CADM2: variants seen among roughly 807,000 people sequenced by gnomAD.
CADM2 encodes cell adhesion molecule 2, also known as immunoglobulin superfamily member 4D.
Under a neutral mutation model 49.8 loss-of-function variants are expected in CADM2, and 12 were observed. The ratio of observed to expected loss-of-function variants is 0.24; its 90% CI spans 0.15 to 0.39. The LOEUF (loss-of-function observed/expected upper bound fraction) is 0.39. Ranked by LOEUF, CADM2 falls within the 10% of genes least tolerant of loss-of-function variation. The pLI is 1.00. For missense variants in CADM2, 378 were observed against 492.3 expected, an observed-to-expected ratio of 0.77 and a Z score of 2.20; for synonymous variants, 214 against 175.4, an observed-to-expected ratio of 1.22 and a Z score of -1.74.
chr3:85,652,144 A>T (rs1388695047), intron 1 of CADM2, among the ~76,000 whole-genome samples: 1 of 151,938 alleles, frequency 6.6e-6, no homozygotes, highest in African/African-American at 2.4e-5. Context: ...ATGACTTAAG[A>T]TGTCAGTCTC....
chr3:85,912,883 G>T (rs544743460), intron 6 of CADM2, among the ~76,000 whole-genome samples: 4 of 152,220 alleles, frequency 2.6e-5, no homozygotes, highest in African/African-American at 7.2e-5. Flanking sequence ...GGGCCTTGAT[G>T]AACAGTGTTA....
chr3:85,694,921 C>A (rs943672155), intron 1 of CADM2, among the ~76,000 whole-genome samples: 1 of 150,818 alleles, frequency 6.6e-6, no homozygotes, highest in Non-Finnish European at 1.5e-5. Flanking sequence ...ACAGTGAGAT[C>A]CTATCTCTAA....
chr3:85,568,551 CTCTT>C lies in CADM2; in HGVS notation c.62-157961_62-157958del, dbSNP rs1277085668. ...CCCTCTCTCTTTTCTTTCTTTCTTT[CTCTT>C]TCTTTCTTTTCCTTCCTTCCTTCTT... is the stretch of plus-strand genomic sequence containing the variant. On this transcript the variant is annotated intron_variant, in intron 1 of 9. Transcript: ENST00000383699. 1.8e-3 allele frequency among the ~76,000 whole-genome samples: 250 copies of C among 138,124 alleles called. 9 individuals carry two copies. Among genetic ancestry groups the C allele is most frequent in the African/African-American group, 6.7e-3 (241 of 36,066 alleles). 90.6% of individuals were successfully genotyped at this position (138,124 alleles called of 152,430 possible). A position where few individuals can be genotyped will look rare whatever the true frequency, so the allele number is the denominator to read the frequency against.
chr3:85,847,784 A>G (rs2074942514), intron 3 of CADM2, among the ~76,000 whole-genome samples: 1 of 152,124 alleles, frequency 6.6e-6, no homozygotes, highest in South Asian at 2.1e-4. Flanking sequence ...TTATATTTTT[A>G]ATTAATTTAG....
At chr3:85,783,694 A>G (rs2070796358) in intron 2 of CADM2, among the ~76,000 whole-genome samples, 1 of 152,224 alleles carries the variant, frequency 6.6e-6, no homozygotes, top group African/African-American at 2.4e-5. Flanking sequence ...GGTATTATAA[A>G]TTATGAGTTT....
chr3:85,035,045 C>T (rs1401369103), intron 1 of CADM2, among the ~76,000 whole-genome samples: 1 of 152,000 alleles, frequency 6.6e-6, no homozygotes, highest in East Asian at 1.9e-4. Context: ...TTGTGGTCTG[C>T]CCGCCTTGGC....
At chr3:86,011,985 A>T (rs1731571709) in intron 8 of CADM2, among the ~76,000 whole-genome samples, 1 of 152,092 alleles carries the variant, frequency 6.6e-6, no homozygotes, top group Non-Finnish European at 1.5e-5. Flanking sequence ...ATTGGATACT[A>T]TTAAGAAGAT....
chr3:86,012,594 CG>C, intron 8 of CADM2: 1 of 1,573,014 alleles, frequency 6.4e-7, no homozygotes, highest in African/African-American at 1.4e-5. Flanking sequence ...CAACTGCACG[CG>C]AAGCGCACGC....
chr3:85,192,295 T>C (rs534689298), intron 1 of CADM2, among the ~76,000 whole-genome samples: 1 of 152,196 alleles, frequency 6.6e-6, no homozygotes, highest in East Asian at 1.9e-4. Flanking sequence ...ATTCAATTAT[T>C]TGGTAAACAC....
chr3:85,660,384 CT>C (rs2065362515), intron 1 of CADM2, among the ~76,000 whole-genome samples: 1 of 150,652 alleles, frequency 6.6e-6, no homozygotes, highest in East Asian at 1.9e-4. Context: ...TAGACTTTCT[CT>C]TTAAGAACTT....
chr3:84,977,421 C>T (rs55692107), intron 1 of CADM2, among the ~76,000 whole-genome samples: 9,097 of 151,962 alleles, frequency 0.06, 342 homozygotes, highest in Admixed American at 0.094. Context: ...AGAAATAAAA[C>T]GATAATCTTT....
At chr3:85,849,173 G>T (rs1024236223) in intron 3 of CADM2, among the ~76,000 whole-genome samples, 1 of 152,108 alleles carries the variant, frequency 6.6e-6, no homozygotes, top group African/African-American at 2.4e-5. Flanking sequence ...TTACATAAAT[G>T]TGAGCCAAAT....
intron 1 of CADM2, among the ~76,000 whole-genome samples, chr3:85,210,528 A>G (rs1576125353): frequency 6.6e-6 from 1 of 151,276 alleles, no homozygotes; most frequent in African/African-American, 2.4e-5. Flanking sequence ...CTTTTCCTCT[A>G]TTTTTGGGGA....
chr3:85,301,196 A>C (rs1428726798), intron 1 of CADM2, among the ~76,000 whole-genome samples: 3 of 152,096 alleles, frequency 2.0e-5, no homozygotes, highest in African/African-American at 7.2e-5. Flanking sequence ...CATCCTCCTC[A>C]GACTGGGAGC....
intron 1 of CADM2, among the ~76,000 whole-genome samples, chr3:85,391,051 G>T (rs982656497): frequency 1.3e-5 from 2 of 152,072 alleles, no homozygotes; most frequent in Non-Finnish European, 2.9e-5. Flanking sequence ...GTTGAACAAG[G>T]CTAGGAGAAG....
intron 1 of CADM2, among the ~76,000 whole-genome samples, chr3:85,589,432 C>T (rs1486047965): frequency 6.6e-6 from 1 of 152,010 alleles, no homozygotes; most frequent in African/African-American, 2.4e-5. Context: ...TGCAGGACCA[C>T]TTGACCCTAA....
intron 1 of CADM2, among the ~76,000 whole-genome samples, chr3:85,012,083 T>G (rs546446791): frequency 6.6e-6 from 1 of 151,988 alleles, no homozygotes; most frequent in East Asian, 1.9e-4. Context: ...GGTTTTTTTT[T>G]TTTCTTTCAT....
chr3:85,028,994 T>C (rs1329278110), intron 1 of CADM2, among the ~76,000 whole-genome samples: 1 of 151,884 alleles, frequency 6.6e-6, no homozygotes, highest in African/African-American at 2.4e-5. Context: ...ATTTAATGTG[T>C]TTTAATACTA....
chr3:85,983,863 T>C (rs895771308), intron 8 of CADM2, among the ~76,000 whole-genome samples: 1 of 151,526 alleles, frequency 6.6e-6, no homozygotes, highest in South Asian at 2.1e-4. Context: ...CTTTGAAGTA[T>C]AACAGTTCAT....
Sources: allele counts gnomAD v4.1 joint callset (sites outside exome capture counted in the v4.1 genomes callset), GRCh38; gene constraint gnomAD v4.1.1; transcripts MANE v1.5; gene names NCBI Gene and HGNC (gene_info 2026-07-23, HGNC 2026-07-21).